Variants in CMTM8 observed in about 807,000 individuals in gnomAD.
The protein encoded by CMTM8 is CKLF like MARVEL transmembrane domain containing 8.
In CMTM8, 12 loss-of-function variants were observed where a neutral mutation model predicts 18.6. That is an observed-to-expected ratio of 0.65 (90% CI 0.41 to 1.05). CMTM8 has a LOEUF of 1.05. CMTM8 is among the 50% of genes least tolerant of loss of function. CMTM8 has a pLI of 0.00. For synonymous variants in CMTM8, 87 were observed against 90.6 expected (o/e 0.96, Z 0.23); for missense variants, 217 against 227.2 (o/e 0.95, Z 0.29).
chr3:32,305,262 G>A (rs1275941299), intron 1 of CMTM8, among the ~76,000 whole-genome samples: 13 of 134,314 alleles, frequency 9.7e-5, no homozygotes, highest in Admixed American at 1.7e-4. Context: ...ACGGAGTCTC[G>A]CTCTGTCACC....
intron 2 of CMTM8, among the ~76,000 whole-genome samples, chr3:32,361,285 A>AGTTTTTTTTTTGTTTTTT (rs1350130022): frequency 4.2e-5 from 1 of 23,906 alleles, no homozygotes. Context: ...CCAGCCTAAG[A>AGTTTTTTTTTTGTTTTTT]GTTTTTTTTT....
chr3:32,323,942 C>A (rs1001795599), intron 1 of CMTM8, among the ~76,000 whole-genome samples: 1 of 152,208 alleles, frequency 6.6e-6, no homozygotes, highest in East Asian at 1.9e-4. Flanking sequence ...CAAAATGATG[C>A]AGGCCAGGGC....
At chr3:32,343,219 G>C (rs140940179) in intron 1 of CMTM8, among the ~76,000 whole-genome samples, 1 of 152,270 alleles carries the variant, frequency 6.6e-6, no homozygotes, top group East Asian at 1.9e-4. Flanking sequence ...ATGTGTCCTG[G>C]ACTTCTCTTC....
intron 1 of CMTM8, among the ~76,000 whole-genome samples, chr3:32,339,682 G>A (rs973132941): frequency 2.0e-5 from 3 of 152,118 alleles, no homozygotes; most frequent in African/African-American, 4.8e-5. Flanking sequence ...TGCAGGGGTA[G>A]GCCGGGCGCG....
At chr3:32,278,865 C>T (rs1292732297) in intron 1 of CMTM8, among the ~76,000 whole-genome samples, 2 of 152,126 alleles carry the variant, frequency 1.3e-5, no homozygotes, top group African/African-American at 4.8e-5. Flanking sequence ...TAATATCTAA[C>T]AGTGAAATAG....
At chr3:32,238,257 C>T (rs1701889559), upstream of CMTM8, 1 of 152,368 alleles carries the variant, frequency 6.6e-6, no homozygotes, top group Non-Finnish European at 1.5e-5. Context: ...CTGCCATTTC[C>T]ACAGCATTCG....
At chr3:32,347,411 G>A (rs1684630840) in intron 1 of CMTM8, among the ~76,000 whole-genome samples, 1 of 151,510 alleles carries the variant, frequency 6.6e-6, no homozygotes, top group Admixed American at 6.6e-5. Context: ...CTATTTACAG[G>A]CCTATTGTGG....
At chr3:32,277,059 T>A (rs1042913219) in intron 1 of CMTM8, among the ~76,000 whole-genome samples, 2 of 151,490 alleles carry the variant, frequency 1.3e-5, no homozygotes, top group Admixed American at 6.6e-5. Flanking sequence ...TAAGTTACTA[T>A]TTTTTTTGTA....
At position 32,238,789 on chromosome 3, in the gene CMTM8, C is replaced by A; in HGVS notation, c.-184C>A. On this transcript the variant is annotated 5_prime_UTR_variant, in exon 1 of 4. Transcript: ENST00000307526. ...CCGCGCACCGAGGCGCTAGGGGCAC[C>A]GCGCACTAGAGGGACACCCGCCGCG... is the stretch of plus-strand genomic sequence containing the variant. 2.8e-6 allele frequency: 1 copy of A among 351,444 alleles called. No homozygotes were observed. The highest frequency in any genetic ancestry group is 5.0e-6 in the Non-Finnish European group (1 of 201,196). The allele number at this position is 351,444 out of a possible 1,614,324, so 21.8% of individuals were successfully genotyped here.
At chr3:32,289,035 C>T (rs751143824) in intron 1 of CMTM8, among the ~76,000 whole-genome samples, 14 of 152,108 alleles carry the variant, frequency 9.2e-5, no homozygotes, top group Non-Finnish European at 1.9e-4. Context: ...AAATCAGCTG[C>T]ATACAGGGGC....
At chr3:32,265,852 A>G (rs1240618634) in intron 1 of CMTM8, among the ~76,000 whole-genome samples, 2 of 152,130 alleles carry the variant, frequency 1.3e-5, no homozygotes, top group Admixed American at 1.3e-4. Context: ...TAGAAAATCT[A>G]GAAGAAATGG....
intron 1 of CMTM8, among the ~76,000 whole-genome samples, chr3:32,354,147 T>TA (rs1304356047): frequency 1.6e-4 from 22 of 140,728 alleles, no homozygotes; most frequent in Admixed American, 2.9e-4. Context: ...GTTTTGCCAT[T>TA]AAAAAAAAAA....
intron 1 of CMTM8, among the ~76,000 whole-genome samples, chr3:32,341,728 T>C (rs1165604200): frequency 6.6e-6 from 1 of 150,810 alleles, no homozygotes; most frequent in Non-Finnish European, 1.5e-5. Flanking sequence ...AATTTAAAAA[T>C]CAGCCAGGTG....
At chr3:32,331,075 A>C (rs532730703) in intron 1 of CMTM8, among the ~76,000 whole-genome samples, 11 of 152,326 alleles carry the variant, frequency 7.2e-5, no homozygotes, top group Admixed American at 7.2e-4. Context: ...ATCTGATAAG[A>C]GGTTAATATC....
At chr3:32,291,351 G>A (rs557353917) in intron 1 of CMTM8, among the ~76,000 whole-genome samples, 4 of 151,592 alleles carry the variant, frequency 2.6e-5, no homozygotes, top group East Asian at 3.9e-4. Flanking sequence ...CGTGTTAGCC[G>A]GGATGGTCTC....
intron 1 of CMTM8, among the ~76,000 whole-genome samples, chr3:32,319,838 C>T (rs961721287): frequency 2.6e-5 from 4 of 152,174 alleles, no homozygotes; most frequent in African/African-American, 4.8e-5. Flanking sequence ...GGAAACAACC[C>T]TTGGAAGTAT....
chr3:32,340,403 A>G (rs1696471959), intron 1 of CMTM8, among the ~76,000 whole-genome samples: 1 of 152,206 alleles, frequency 6.6e-6, no homozygotes, highest in Non-Finnish European at 1.5e-5. Flanking sequence ...AAATGTAGGG[A>G]GAGGTCAGCT....
At chr3:32,260,052 A>C in intron 1 of CMTM8, 1 of 1,147,808 alleles carries the variant, frequency 8.7e-7, no homozygotes, top group Admixed American at 1.8e-5. Context: ...ATCAAGGTCA[A>C]GCTGGAGGCT....
intron 1 of CMTM8, chr3:32,259,055 G>A (rs553011998): frequency 1.7e-5 from 6 of 363,348 alleles, no homozygotes; most frequent in South Asian, 7.3e-5. Context: ...CTATGCAGGC[G>A]CCGGAGGGCA....
Sources: gnomAD v4.1 joint callset for allele counts (sites outside exome capture counted in the v4.1 genomes callset) on GRCh38, gnomAD v4.1.1 for gene constraint, MANE v1.5 for transcripts, NCBI Gene and HGNC (gene_info 2026-07-23, HGNC 2026-07-21) for gene names.